PRKCA: variants seen among roughly 807,000 people sequenced by gnomAD.
PRKCA encodes protein kinase C alpha.
In PRKCA, 27 loss-of-function variants were observed where a neutral mutation model predicts 87.0. That is an observed-to-expected ratio of 0.31 (90% confidence interval 0.23 to 0.43). The LOEUF (loss-of-function observed/expected upper bound fraction) is 0.43, where lower values mean the gene tolerates loss of function less well. Ranked by LOEUF, PRKCA falls within the 20% of genes least tolerant of loss-of-function variation. The pLI is 1.00. For missense variants in PRKCA, 518 were observed against 852.3 expected (o/e 0.61, Z 4.88); for synonymous variants, 329 against 311.1 (o/e 1.06, Z -0.61).
At chr17:66,410,359 C>T (rs895348140) in intron 2 of PRKCA, among the ~76,000 whole-genome samples, 4 of 152,078 alleles carry the variant, frequency 2.6e-5, no homozygotes, top group Admixed American at 6.6e-5. Flanking sequence ...GAAACTCAGA[C>T]GTGGCTGGTC....
intron 8 of PRKCA, among the ~76,000 whole-genome samples, chr17:66,692,717 A>C (rs1451580494): frequency 1.3e-5 from 2 of 152,114 alleles, no homozygotes; most frequent in Non-Finnish European, 2.9e-5. Flanking sequence ...CTTTCTCGCC[A>C]ACTAACTGCC....
chr17:66,565,125 G>C (rs556756936), intron 3 of PRKCA, among the ~76,000 whole-genome samples: 1 of 152,160 alleles, frequency 6.6e-6, no homozygotes, highest in Non-Finnish European at 1.5e-5. Context: ...TTCCTTACCC[G>C]TTAAGCCTTG....
chr17:66,423,628 C>G (rs1289143573), intron 2 of PRKCA, among the ~76,000 whole-genome samples: 2 of 152,192 alleles, frequency 1.3e-5, no homozygotes, highest in Non-Finnish European at 2.9e-5. Flanking sequence ...TTACTGAAGC[C>G]TTTAATGCAT....
chr17:66,718,698 G>T (rs2144151408), intron 8 of PRKCA, among the ~76,000 whole-genome samples: 1 of 152,252 alleles, frequency 6.6e-6, no homozygotes, highest in Non-Finnish European at 1.5e-5. Flanking sequence ...CCTTCCAAAG[G>T]CCCTGCCTCC....
At chr17:66,361,525 G>T (rs1908391439) in intron 2 of PRKCA, among the ~76,000 whole-genome samples, 1 of 152,070 alleles carries the variant, frequency 6.6e-6, no homozygotes, top group Admixed American at 6.6e-5. Flanking sequence ...TGGCCAGGCT[G>T]ATCTTGAACT....
chr17:66,330,531 G>A (rs576268683), intron 2 of PRKCA, among the ~76,000 whole-genome samples: 18 of 152,010 alleles, frequency 1.2e-4, no homozygotes, highest in African/African-American at 4.1e-4. Flanking sequence ...TTTTAGAATC[G>A]TACAGCTGTA....
At chr17:66,582,393 T>C (rs1969469937) in intron 3 of PRKCA, among the ~76,000 whole-genome samples, 1 of 152,104 alleles carries the variant, frequency 6.6e-6, no homozygotes, top group Non-Finnish European at 1.5e-5. Context: ...ATAATCCCCA[T>C]GTGTCAAGGG....
intron 13 of PRKCA, among the ~76,000 whole-genome samples, chr17:66,765,416 G>GTC (rs1163083662): frequency 6.9e-4 from 11 of 16,038 alleles, no homozygotes; most frequent in African/African-American, 2.0e-3. Context: ...GCAAGACTTT[G>GTC]TCTATATATA....
In PRKCA at chr17:66,804,025, G is replaced by C; in HGVS notation, c.2007G>C (p.Gln669His). Residue 669 changes from glutamine (Q) to histidine (H), a missense_variant, in exon 17 of 17, where the codon CAG becomes CAC. Physicochemically the swap from Gln to His is conservative, Grantham distance 24. Transcript: ENST00000413366. Reference protein sequence around the residue: ...VNPQFVHPILQSAV With the variant: ...VNPQFVHPILHSAV ...CCCAGTTTGTGCACCCCATCTTACA[G>C]AGTGCAGTATGAAACTCACCAGCGA... 1 of 1,612,620 alleles carries C rather than the reference G, an allele frequency of 6.2e-7. No homozygotes were observed. The highest frequency in any genetic ancestry group is 8.5e-7 in the Non-Finnish European group (1 of 1,178,918).
intron 2 of PRKCA, among the ~76,000 whole-genome samples, chr17:66,493,493 A>G (rs2144101021): frequency 6.6e-6 from 1 of 152,140 alleles, no homozygotes; most frequent in African/African-American, 2.4e-5. Flanking sequence ...ATTCCATCAC[A>G]TGGTGACTCA....
intron 3 of PRKCA, among the ~76,000 whole-genome samples, chr17:66,622,945 G>C (rs989632391): frequency 1.3e-5 from 2 of 152,204 alleles, no homozygotes; most frequent in African/African-American, 4.8e-5. Context: ...ATGAGATTTG[G>C]GTGGGGACAC....
intron 3 of PRKCA, among the ~76,000 whole-genome samples, chr17:66,569,943 C>G (rs911665072): frequency 6.6e-6 from 1 of 151,978 alleles, no homozygotes; most frequent in Non-Finnish European, 1.5e-5. Flanking sequence ...AAAAGTCATG[C>G]CCAAAATGTT....
At chr17:66,357,116 G>T (rs1209318249) in intron 2 of PRKCA, among the ~76,000 whole-genome samples, 1 of 152,184 alleles carries the variant, frequency 6.6e-6, no homozygotes, top group Non-Finnish European at 1.5e-5. Context: ...GTTTGATGGG[G>T]CAGGGTTGCT....
intron 2 of PRKCA, among the ~76,000 whole-genome samples, chr17:66,477,112 C>T (rs1915568476): frequency 6.6e-6 from 1 of 152,146 alleles, no homozygotes; most frequent in Non-Finnish European, 1.5e-5. Context: ...TCATGCTAAA[C>T]TCTGGCCCAT....
chr17:66,634,996 G>C (rs9903946), intron 3 of PRKCA, among the ~76,000 whole-genome samples: 1,843 of 152,304 alleles, frequency 0.012, 33 homozygotes, highest in African/African-American at 0.042. Flanking sequence ...GCTCTGGAAG[G>C]TCAGATGAAG....
chr17:66,485,992 A>G (rs1446028410), intron 2 of PRKCA, among the ~76,000 whole-genome samples: 1 of 152,182 alleles, frequency 6.6e-6, no homozygotes. Flanking sequence ...TGACATGCAC[A>G]CTGGGTTTTG....
intron 3 of PRKCA, among the ~76,000 whole-genome samples, chr17:66,527,672 A>G (rs904446324): frequency 2.6e-5 from 4 of 152,222 alleles, no homozygotes; most frequent in Non-Finnish European, 5.9e-5. Flanking sequence ...GGGTCAGCAT[A>G]TATCTGTACT....
intron 2 of PRKCA, among the ~76,000 whole-genome samples, chr17:66,438,124 G>C (rs556420747): frequency 4.6e-5 from 7 of 152,134 alleles, no homozygotes; most frequent in Admixed American, 6.6e-5. Flanking sequence ...AGGGGTCTCT[G>C]TTCTGAACGG....
At chr17:66,732,902 G>A in intron 9 of PRKCA, 77 bp downstream of exon 9, 1 of 1,525,496 alleles carries the variant, frequency 6.6e-7, no homozygotes. Context: ...CTCGTAGTTT[G>A]CAGAATAGCA....
Sources: gnomAD v4.1 joint callset for allele counts (sites outside exome capture counted in the v4.1 genomes callset) on GRCh38, gnomAD v4.1.1 for gene constraint, MANE v1.5 for transcripts, NCBI Gene and HGNC (gene_info 2026-07-23, HGNC 2026-07-21) for gene names.